Variants in ARMH3 observed in about 807,000 individuals in gnomAD.
The protein encoded by ARMH3 is armadillo-like helical domain-containing protein 3.
ARMH3 carries 60 observed loss-of-function variants against 99.1 expected under a neutral mutation model. The observed-to-expected ratio is 0.61, with a 90% CI of 0.49 to 0.75. The LOEUF is 0.75. ARMH3 is among the 30% of genes least tolerant of loss of function. The pLI, the probability that ARMH3 is intolerant of heterozygous loss-of-function variation, is 0.00. For missense variants in ARMH3, 679 were observed against 843.1 expected, an observed-to-expected ratio of 0.81 and a Z score of 2.41; for synonymous variants, 285 against 292.8, an observed-to-expected ratio of 0.97 and a Z score of 0.27.
chr10:102,045,468 G>A (rs1590233055), intron 1 of ARMH3, among the ~76,000 whole-genome samples: 1 of 152,158 alleles, frequency 6.6e-6, no homozygotes. Flanking sequence ...ATAACAGGAA[G>A]AAACCAGGCA....
intron 22 of ARMH3, among the ~76,000 whole-genome samples, chr10:101,941,863 T>A (rs947098201): frequency 6.6e-6 from 1 of 152,166 alleles, no homozygotes; most frequent in African/African-American, 2.4e-5. Flanking sequence ...TATACCTCAA[T>A]TGTGAAATTT....
At chr10:101,979,551 G>T (rs1407667610) in intron 19 of ARMH3, among the ~76,000 whole-genome samples, 4 of 152,044 alleles carry the variant, frequency 2.6e-5, no homozygotes, top group South Asian at 4.2e-4. Flanking sequence ...TGCAAGGGTC[G>T]ATTGAAAATG....
At chr10:101,975,049 T>TAAAAAAAAAAAA (rs11399489) in intron 20 of ARMH3, among the ~76,000 whole-genome samples, 163 bp downstream of exon 20, 74 of 29,604 alleles carry the variant, frequency 2.5e-3, no homozygotes, top group Non-Finnish European at 3.4e-3. Flanking sequence ...AGCTAAAACG[T>TAAAAAAAAAAAA]AAAAAAAAAA....
At chr10:101,964,659 A>G (rs191636328) in intron 20 of ARMH3, among the ~76,000 whole-genome samples, 3 of 152,332 alleles carry the variant, frequency 2.0e-5, no homozygotes, top group South Asian at 2.1e-4. Flanking sequence ...TAAATGAAAT[A>G]CCCAGAGTAA....
chr10:101,918,435 C>T (rs1203801348), intron 23 of ARMH3, among the ~76,000 whole-genome samples: 1 of 152,124 alleles, frequency 6.6e-6, no homozygotes, highest in Non-Finnish European at 1.5e-5. Context: ...TACTTTTTGC[C>T]TATCATGGCA....
chr10:101,964,614 C>G (rs984413387), intron 20 of ARMH3, among the ~76,000 whole-genome samples: 38 of 152,134 alleles, frequency 2.5e-4, no homozygotes, highest in Non-Finnish European at 7.4e-5. Context: ...TGAAATAAAC[C>G]AGTTACAAAA....
intron 5 of ARMH3, 135 bp downstream of exon 5, chr10:102,029,503 T>C (rs1163140689): frequency 1.3e-6 from 2 of 1,573,798 alleles, no homozygotes; most frequent in Admixed American, 1.9e-5. Context: ...AATAAAAACA[T>C]CTAAATGCAA....
At chr10:101,913,280 C>CAGGA (rs1282173264) in intron 23 of ARMH3, 1 of 151,162 alleles carries the variant, frequency 6.6e-6, no homozygotes, top group Non-Finnish European at 1.5e-5. Context: ...CACACCTGGC[C>CAGGA]AGGAATTCTT....
intron 8 of ARMH3, among the ~76,000 whole-genome samples, chr10:102,015,662 A>G (rs1277661160): frequency 2.0e-5 from 3 of 152,154 alleles, no homozygotes; most frequent in Non-Finnish European, 4.4e-5. Context: ...AGTGCTGGGA[A>G]TACAGGCGTG....
intron 13 of ARMH3, among the ~76,000 whole-genome samples, chr10:102,007,159 C>CAAAAAAAAAAAAAAAAAAAAAAAAAAA (rs10639768): frequency 3.3e-5 from 2 of 60,046 alleles, no homozygotes; most frequent in Non-Finnish European, 5.7e-5. Context: ...GACTCTATCT[C>CAAAAAAAAAAAAAAAAAAAAAAAAAAA]AAAAAAAAAA....
intron 19 of ARMH3, among the ~76,000 whole-genome samples, chr10:101,979,904 A>T (rs770356972): frequency 1.1e-4 from 16 of 152,230 alleles, no homozygotes; most frequent in Non-Finnish European, 1.9e-4. Flanking sequence ...CAGCCCTTAG[A>T]ATCCCTAGTG....
intron 9 of ARMH3, 39 bp downstream of exon 9, chr10:102,013,929 C>T (rs530846227): frequency 6.0e-6 from 9 of 1,512,492 alleles, no homozygotes; most frequent in Non-Finnish European, 8.2e-6. Context: ...CCATTGAATG[C>T]AAATAAGTAA....
At chr10:101,992,558 C>T (rs1206001922) in intron 17 of ARMH3, among the ~76,000 whole-genome samples, 3 of 150,852 alleles carry the variant, frequency 2.0e-5, no homozygotes, top group Non-Finnish European at 2.9e-5. Context: ...TGAAGTGGCA[C>T]GATCTCGGCT....
intron 1 of ARMH3, among the ~76,000 whole-genome samples, chr10:102,040,835 T>G (rs149136577): frequency 6.6e-6 from 1 of 152,022 alleles, no homozygotes; most frequent in Non-Finnish European, 1.5e-5. Flanking sequence ...CTTAGGACCA[T>G]TAAGGCAGGA....
In ARMH3 at chr10:102,006,429, T is replaced by G. The variant is rs2066489188; in HGVS notation, c.1048+111A>C. On this transcript the variant is annotated intron_variant, in intron 14 of 25. Coordinates refer to ENST00000370033, the MANE Select transcript of ARMH3 (RefSeq NM_024541.3). Reference sequence around the variant, plus strand: ...CTGAAGGATAGTACTACAGACCAATTTAGTGGGAAAAATTAACAACTACGT... The same window carrying G: ...CTGAAGGATAGTACTACAGACCAATGTAGTGGGAAAAATTAACAACTACGT... 17 of 1,242,574 alleles carry G rather than the reference T, an allele frequency of 1.4e-5. No individual in the cohort carries two copies. The South Asian group carries it at 2.2e-4, about 16-fold the overall frequency. The allele number at this position is 1,242,574 out of a possible 1,614,324, so 77.0% of individuals were successfully genotyped here. A position where few individuals can be genotyped will look rare whatever the true frequency, so the allele number is the denominator to read the frequency against.
intron 1 of ARMH3, among the ~76,000 whole-genome samples, chr10:102,041,294 TC>T (rs759155463): frequency 1.3e-5 from 2 of 151,556 alleles, no homozygotes; most frequent in South Asian, 4.1e-4. Flanking sequence ...TCCCTTCACC[TC>T]CCAGGTTCTT....
intron 18 of ARMH3, 92 bp from the exon 19 acceptor site, chr10:101,990,703 A>C: frequency 1.1e-6 from 1 of 938,182 alleles, no homozygotes; most frequent in Non-Finnish European, 1.7e-6. Flanking sequence ...TACACCTTGC[A>C]CTCACACTGA....
chr10:102,012,911 C>T, intron 9 of ARMH3, 35 bp from the exon 10 acceptor site: 1 of 1,565,196 alleles, frequency 6.4e-7, no homozygotes, highest in South Asian at 1.2e-5. Flanking sequence ...TGAAATAAGA[C>T]AGTAGCCTTT....
At chr10:101,860,795 C>A (rs2135310356) in intron 24 of ARMH3, among the ~76,000 whole-genome samples, 1 of 152,296 alleles carries the variant, frequency 6.6e-6, no homozygotes, top group South Asian at 2.1e-4. Context: ...ACAATAGTTA[C>A]ACCCGAGCAG....
Sources: allele counts gnomAD v4.1 joint callset (sites outside exome capture counted in the v4.1 genomes callset), GRCh38; gene constraint gnomAD v4.1.1; transcripts MANE v1.5; gene names NCBI Gene and HGNC (gene_info 2026-07-23, HGNC 2026-07-21).